The following EEFSEC variants were observed in gnomAD, a reference collection of about 807,000 sequenced individuals.
The protein encoded by EEFSEC is eukaryotic elongation factor, selenocysteine-tRNA specific, also known as selenocysteine-specific elongation factor.
EEFSEC carries 43 observed loss-of-function variants against 42.1 expected under a neutral mutation model. That is an observed-to-expected ratio of 1.02 (90% CI 0.80 to 1.32). EEFSEC has a LOEUF of 1.32. EEFSEC is among the 40% of genes most tolerant of loss of function. The pLI is 0.00. For synonymous variants in EEFSEC, 354 were observed against 339.1 expected (o/e 1.04, Z -0.48); for missense variants, 745 against 803.6 (o/e 0.93, Z 0.88).
intron 1 of EEFSEC, among the ~76,000 whole-genome samples, chr3:128,223,378 A>G (rs2065879202): frequency 6.6e-6 from 1 of 152,208 alleles, no homozygotes; most frequent in African/African-American, 2.4e-5. Context: ...TGAGGAGGTC[A>G]TGGGAACCCC....
chr3:128,302,066 T>C (rs987853471), intron 4 of EEFSEC, among the ~76,000 whole-genome samples: 2 of 152,160 alleles, frequency 1.3e-5, no homozygotes, highest in Non-Finnish European at 2.9e-5. Context: ...CAAAGCTCAT[T>C]TAGTTGTCAA....
At chr3:128,189,015 G>A (rs1163516146) in intron 1 of EEFSEC, among the ~76,000 whole-genome samples, 1 of 152,154 alleles carries the variant, frequency 6.6e-6, no homozygotes, top group Non-Finnish European at 1.5e-5. Context: ...CCCAGCCTCG[G>A]TGCCCAGTAC....
intron 1 of EEFSEC, among the ~76,000 whole-genome samples, chr3:128,166,668 A>T (rs945048030): frequency 6.6e-6 from 1 of 151,892 alleles, no homozygotes; most frequent in African/African-American, 2.4e-5. Context: ...CCACCCTCTC[A>T]GCTTCTTCAC....
At chr3:128,344,131 C>G (rs2067285912) in intron 5 of EEFSEC, among the ~76,000 whole-genome samples, 1 of 152,246 alleles carries the variant, frequency 6.6e-6, no homozygotes, top group Admixed American at 6.5e-5. Context: ...TGAATGGGCA[C>G]CTGCCTTAAT....
At chr3:128,414,750 C>T in the EEFSEC span, among the ~76,000 whole-genome samples, 1 of 152,228 alleles carries the variant, frequency 6.6e-6, no homozygotes, top group Non-Finnish European at 1.5e-5. Flanking sequence ...GCGACCTGCT[C>T]AGATTGGTTT....
the EEFSEC span, among the ~76,000 whole-genome samples, chr3:128,415,021 C>T: frequency 1.3e-5 from 2 of 152,154 alleles, no homozygotes; most frequent in South Asian, 2.1e-4. Context: ...TTGCTGGGCA[C>T]AAGAGATGGG....
At chr3:128,415,150 G>A in the EEFSEC span, among the ~76,000 whole-genome samples, 14 of 151,202 alleles carry the variant, frequency 9.3e-5, no homozygotes, top group South Asian at 2.1e-4. Context: ...CTGGACAGCT[G>A]TGTCTTGGGT....
downstream of EEFSEC, among the ~76,000 whole-genome samples, chr3:128,409,362 G>A (rs1051639546): frequency 4.6e-4 from 47 of 101,658 alleles, 2 homozygotes; most frequent in African/African-American, 2.9e-3. Flanking sequence ...CCCCAGAGCC[G>A]TGTGTGTGTG....
intron 5 of EEFSEC, among the ~76,000 whole-genome samples, chr3:128,348,596 A>G (rs1433785854): frequency 6.6e-6 from 1 of 152,092 alleles, no homozygotes; most frequent in African/African-American, 2.4e-5. Context: ...GTTTTTTTGC[A>G]TGGTATGTAC....
At chr3:128,169,967 G>A (rs558369275) in intron 1 of EEFSEC, among the ~76,000 whole-genome samples, 6 of 152,134 alleles carry the variant, frequency 3.9e-5, no homozygotes, top group South Asian at 2.1e-4. Context: ...TGGGGCAGGC[G>A]GCATATTTTG....
intron 4 of EEFSEC, among the ~76,000 whole-genome samples, chr3:128,278,134 T>C (rs2066488178): frequency 6.6e-6 from 1 of 152,100 alleles, no homozygotes. Context: ...GTGCAATTTA[T>C]TTGTGTGTTT....
intron 6 of EEFSEC, among the ~76,000 whole-genome samples, chr3:128,381,315 G>A (rs538975406): frequency 1.5e-4 from 23 of 152,288 alleles, no homozygotes; most frequent in South Asian, 1.0e-3. Flanking sequence ...TGGGTTGGGC[G>A]GCTGGTGTAT....
At chr3:128,205,122 A>G (rs545164952) in intron 1 of EEFSEC, among the ~76,000 whole-genome samples, 1 of 152,344 alleles carries the variant, frequency 6.6e-6, no homozygotes, top group East Asian at 1.9e-4. Flanking sequence ...GTTAAAATTA[A>G]TTAAAGTGAG....
intron 4 of EEFSEC, among the ~76,000 whole-genome samples, chr3:128,336,554 A>T (rs1398503453): frequency 6.6e-6 from 1 of 151,902 alleles, no homozygotes; most frequent in African/African-American, 2.4e-5. Flanking sequence ...CAGCCCTGCC[A>T]CCCGCAGTTC....
chr3:128,348,338 C>T (rs2067342261), intron 5 of EEFSEC, among the ~76,000 whole-genome samples: 2 of 144,484 alleles, frequency 1.4e-5, no homozygotes. Flanking sequence ...TAGTAAATTG[C>T]TCCTCATTTG....
intron 4 of EEFSEC, among the ~76,000 whole-genome samples, chr3:128,282,056 C>G (rs1024813300): frequency 6.6e-6 from 1 of 152,230 alleles, no homozygotes; most frequent in Non-Finnish European, 1.5e-5. Flanking sequence ...CCCACAGGTC[C>G]CGTGCTCCCC....
intron 1 of EEFSEC, among the ~76,000 whole-genome samples, chr3:128,183,664 C>T (rs2065434745): frequency 6.6e-6 from 1 of 152,172 alleles, no homozygotes; most frequent in Non-Finnish European, 1.5e-5. Flanking sequence ...ATTGTGAGAA[C>T]CGATGCGTGC....
intron 6 of EEFSEC, among the ~76,000 whole-genome samples, chr3:128,389,370 C>T (rs2067880754): frequency 6.6e-6 from 1 of 152,248 alleles, no homozygotes; most frequent in South Asian, 2.1e-4. Flanking sequence ...CAGAGTGGTC[C>T]TGCCTGGCAC....
chr3:128,261,301 T>A (rs1158937442), intron 2 of EEFSEC, among the ~76,000 whole-genome samples: 2 of 152,256 alleles, frequency 1.3e-5, no homozygotes, highest in Non-Finnish European at 2.9e-5. Context: ...CATCATGTGT[T>A]GTAGATGCTT....
Sources: gnomAD v4.1 joint callset for allele counts (sites outside exome capture counted in the v4.1 genomes callset) on GRCh38, gnomAD v4.1.1 for gene constraint, MANE v1.5 for transcripts, NCBI Gene and HGNC (gene_info 2026-07-23, HGNC 2026-07-21) for gene names.